LCN10: variants seen among roughly 807,000 people sequenced by gnomAD.
The protein encoded by LCN10 is lipocalin 10, also known as epididymal-specific lipocalin-10.
LCN10 carries 18 observed loss-of-function variants against 25.1 expected under a neutral mutation model. The ratio of observed to expected loss-of-function variants is 0.72; its 90% CI spans 0.50 to 1.06. LCN10 has a LOEUF of 1.06. Ranked by LOEUF, LCN10 falls within the 50% of genes least tolerant of loss-of-function variation. The probability of loss-of-function intolerance (pLI) is 0.00; values close to 1 mark genes in which losing one functional copy is unlikely to be tolerated. For missense variants in LCN10, 257 were observed against 258.9 expected (o/e 0.99, Z 0.05); for synonymous variants, 130 against 116.7 (o/e 1.11, Z -0.73).
In LCN10 at chr9:136,739,377, C is replaced by T. The variant is rs1846884617; in HGVS notation, c.*148G>A. 1.3e-5 allele frequency: 10 copies of T among 797,600 alleles called. No individual in the cohort carries two copies. The highest frequency in any genetic ancestry group is 8.2e-5 in the South Asian group (5 of 61,128). The allele number at this position is 797,600 out of a possible 1,614,324, so 49.4% of individuals were successfully genotyped here. ...ATCTTTCTGTGATCATAAAGGATCC[C>T]TTGAGCCACTTGATTTTCACACTGT... On this transcript the variant is annotated 3_prime_UTR_variant, in exon 6 of 6. Coordinates refer to ENST00000497771, the MANE Select transcript of LCN10 (RefSeq NM_001001712.3). This position sits in a 1 kb window ranked among gnomAD's most constrained non-coding sequence, Gnocchi z 6.1.
rs1224855122 is a variant in LCN10, at chr9:136,738,702, A to G, written c.*823T>C. ...CCGCCATTCTGATACTGGCGTCCCC[A>G]ATCTCCTTGAGAAACCATTTTCTCT... On this transcript the variant is annotated 3_prime_UTR_variant, in exon 6 of 6. Coordinates refer to ENST00000497771, the MANE Select transcript of LCN10 (RefSeq NM_001001712.3). 6.6e-6 allele frequency: 1 copy of G among 152,178 alleles called. No homozygotes were observed. The highest frequency in any genetic ancestry group is 1.5e-5 in the Non-Finnish European group (1 of 68,070). The allele number at this position is 152,178 out of a possible 1,614,324, so 9.4% of individuals were successfully genotyped here.
intron 3 of LCN10, 149 bp from the exon 4 acceptor site, chr9:136,741,092 C>T: frequency 1.0e-6 from 1 of 998,290 alleles, no homozygotes; most frequent in Non-Finnish European, 1.5e-6. Flanking sequence ...GGCCTCCCCT[C>T]CCGGGCCAGG....
intron 2 of LCN10, 109 bp from the exon 3 acceptor site, chr9:136,741,470 C>A: frequency 1.1e-6 from 1 of 923,896 alleles, no homozygotes; most frequent in Non-Finnish European, 1.6e-6. Flanking sequence ...TCCCGTGGGA[C>A]CCGGGAAGGT....
chr9:136,741,242 C>A lies in LCN10; in HGVS notation c.367+10G>T, dbSNP rs751926702. The A allele has an allele frequency of 1.9e-6, 3 of 1,612,024 alleles. No homozygotes were observed. Among genetic ancestry groups the A allele is most frequent in the Non-Finnish European group, 2.5e-6 (3 of 1,178,594 alleles). On this transcript the variant is annotated intron_variant, in intron 3 of 5. Transcript: ENST00000497771. ...ACGCAGCTCCTCCAGGGCCCAGAGCCCAAGCACACCTCCCTCCTGTCCTTC... is the reference window on the plus strand; with the variant it reads ...ACGCAGCTCCTCCAGGGCCCAGAGCACAAGCACACCTCCCTCCTGTCCTTC...
Position 136,741,254 on chromosome 9 carries a change from C to T in LCN10, c.365G>A (p.Gly122Glu). 1 of 1,613,192 alleles carries T rather than the reference C, an allele frequency of 6.2e-7. No individual in the cohort carries two copies. The highest frequency in any genetic ancestry group is 8.5e-7 in the Non-Finnish European group (1 of 1,179,536). ...YAAGPREGQE[G>E]VKGVKAFHVL... is the part of the protein sequence containing the mutation. Reference sequence around the variant, plus strand: ...CAGGGCCCAGAGCCCAAGCACACCTCCCTCCTGTCCTTCCCTCGGGCCCGC... The same window carrying T: ...CAGGGCCCAGAGCCCAAGCACACCTTCCTCCTGTCCTTCCCTCGGGCCCGC... The change falls in exon 3 of 6, where the codon GGA becomes GAA. Residue 122 changes from glycine (G) to glutamate (E), a missense_variant and splice_region_variant. Gly to Glu is a moderately conservative substitution (Grantham distance 98, BLOSUM62 -2). Transcript: ENST00000497771.
rs552907388 is a variant in LCN10 at position 136,738,697 on chromosome 9, T to G, written c.*828A>C. 6.6e-6 allele frequency: 1 copy of G among 152,342 alleles called. No individual in the cohort carries two copies. Among genetic ancestry groups the G allele is most frequent in the East Asian group, 1.9e-4 (1 of 5,186 alleles). The allele number at this position is 152,342 out of a possible 1,614,324, so 9.4% of individuals were successfully genotyped here. A position where few individuals can be genotyped will look rare whatever the true frequency, so the allele number is the denominator to read the frequency against. ...CCCCGCCGCCATTCTGATACTGGCG[T>G]CCCCAATCTCCTTGAGAAACCATTT... On this transcript the variant is annotated 3_prime_UTR_variant, in exon 6 of 6. Transcript: ENST00000497771.
chr9:136,740,751 T>C lies in LCN10; in HGVS notation c.475+85A>G. On this transcript the variant is annotated intron_variant, in intron 4 of 5. Coordinates refer to ENST00000497771, the MANE Select transcript of LCN10 (RefSeq NM_001001712.3). The surrounding 1 kb of genome is among the most constrained non-coding windows in gnomAD (Gnocchi z 5.3). Reference sequence around the variant, plus strand: ...CACTCTCCCTGCCCGCCTCACCTCCTGCCCGGCCCCCTGTGCCCAGCGCCC... The same window carrying C: ...CACTCTCCCTGCCCGCCTCACCTCCCGCCCGGCCCCCTGTGCCCAGCGCCC... The C allele has an allele frequency of 1.2e-6, 1 of 825,856 alleles. No homozygotes were observed. Among genetic ancestry groups the C allele is most frequent in the Non-Finnish European group, 1.8e-6 (1 of 553,306 alleles). 51.2% of individuals were successfully genotyped at this position (825,856 alleles called of 1,614,324 possible). A position where few individuals can be genotyped will look rare whatever the true frequency, so the allele number is the denominator to read the frequency against.
rs533345747 is a variant in LCN10 at position 136,740,680 on chromosome 9, T to C, written c.475+156A>G. The C allele has an allele frequency of 1.4e-3, 843 of 602,382 alleles. 10 individuals carry two copies. In the African/African-American group the frequency reaches 0.014, roughly 10 times the overall value. 37.3% of individuals were successfully genotyped at this position (602,382 alleles called of 1,614,324 possible). A position where few individuals can be genotyped will look rare whatever the true frequency, so the allele number is the denominator to read the frequency against. ...AGCGACCTCCAGGACCTGACTGCTG[T>C]GGTCTCGGCTTCCATTGCCCCTGCC... On this transcript the variant is annotated intron_variant, in intron 4 of 5. Coordinates refer to ENST00000497771, the MANE Select transcript of LCN10 (RefSeq NM_001001712.3). The surrounding 1 kb of genome is among the most constrained non-coding windows in gnomAD (Gnocchi z 5.3).
chr9:136,739,113 A>T lies in LCN10; in HGVS notation c.*412T>A, dbSNP rs1465497089. 1.3e-5 allele frequency: 3 copies of T among 230,824 alleles called. No homozygotes were observed. The highest frequency in any genetic ancestry group is 2.6e-5 in the Non-Finnish European group (3 of 114,658). The allele number at this position is 230,824 out of a possible 1,614,324, so 14.3% of individuals were successfully genotyped here. A position where few individuals can be genotyped will look rare whatever the true frequency, so the allele number is the denominator to read the frequency against. On this transcript the variant is annotated 3_prime_UTR_variant, in exon 6 of 6. Transcript: ENST00000497771. The surrounding 1 kb of genome is among the most constrained non-coding windows in gnomAD (Gnocchi z 6.1). ...CCTGGCACGTCATGGGGGCTCCTCCATGTTGGGTGGATATGCGAACGGCTT... is the reference window on the plus strand; with the variant it reads ...CCTGGCACGTCATGGGGGCTCCTCCTTGTTGGGTGGATATGCGAACGGCTT...
rs1215746297 is a variant in LCN10, at chr9:136,740,026, G to A, written c.498C>T (p.Phe166=). The change falls in exon 5 of 6, where the codon TTC becomes TTT. Residue 166 remains phenylalanine, a synonymous_variant. Transcript: ENST00000497771. The surrounding 1 kb of genome is among the most constrained non-coding windows in gnomAD (Gnocchi z 5.3). ...CGTCCATGAATTCCTTCAGACTCTG[G>A]AAGCTCGAAACATTCTGCCTATCTG... ...LLFHRQNVSS[F]QSLKEFMDAC... is the part of the protein sequence containing the mutation. The A allele has an allele frequency of 1.3e-6, 2 of 1,579,790 alleles. No homozygotes were observed. The highest frequency in any genetic ancestry group is 1.2e-5 in the South Asian group (1 of 86,040).
chr9:136,742,404 C>T (rs965973715), intron 1 of LCN10: 15 of 405,704 alleles, frequency 3.7e-5, no homozygotes, highest in Non-Finnish European at 5.8e-5. Context: ...GCCCTGGGCA[C>T]CGCCGTGCCA....
rs367635724 is a variant in LCN10 at position 136,739,650 on chromosome 9, G to A, written c.575-97C>T. 8.4e-6 allele frequency: 10 copies of A among 1,192,284 alleles called. No homozygotes were observed. The highest frequency in any genetic ancestry group is 2.3e-4 in the Middle Eastern group (1 of 4,256). The allele number at this position is 1,192,284 out of a possible 1,614,324, so 73.9% of individuals were successfully genotyped here. A position where few individuals can be genotyped will look rare whatever the true frequency, so the allele number is the denominator to read the frequency against. ...CCCCGGCCGCTCCCTGGTTCCATGC[G>A]TGCTCGTCTTGGGCACCACGAGAAC... On this transcript the variant is annotated intron_variant, in intron 5 of 5. Transcript: ENST00000497771. The surrounding 1 kb of genome is among the most constrained non-coding windows in gnomAD (Gnocchi z 6.1).
Position 136,739,216 on chromosome 9 carries a change from A to C in LCN10, c.*309T>G. The stretch of plus-strand genomic sequence containing the variant: ...GGCAGAGGCAAGGCACACGGCGAGG[A>C]CTGCGTTGGGCCGGCCTGTGGTCTG... On this transcript the variant is annotated 3_prime_UTR_variant, in exon 6 of 6. Coordinates refer to ENST00000497771, the MANE Select transcript of LCN10 (RefSeq NM_001001712.3). This position sits in a 1 kb window ranked among gnomAD's most constrained non-coding sequence, Gnocchi z 6.1. The C allele has an allele frequency of 2.7e-6, 1 of 373,736 alleles. No individual in the cohort carries two copies. The highest frequency in any genetic ancestry group is 5.0e-6 in the Non-Finnish European group (1 of 199,660). The allele number at this position is 373,736 out of a possible 1,614,324, so 23.2% of individuals were successfully genotyped here. A position where few individuals can be genotyped will look rare whatever the true frequency, so the allele number is the denominator to read the frequency against.
chr9:136,740,676 G>A lies in LCN10; in HGVS notation c.475+160C>T, dbSNP rs1008812865. The A allele has an allele frequency of 4.3e-5, 26 of 600,302 alleles. No homozygotes were observed. The highest frequency in any genetic ancestry group is 2.8e-4 in the African/African-American group (15 of 53,792). 37.2% of individuals were successfully genotyped at this position (600,302 alleles called of 1,614,324 possible). ...CTTCAGCGACCTCCAGGACCTGACT[G>A]CTGTGGTCTCGGCTTCCATTGCCCC... On this transcript the variant is annotated intron_variant, in intron 4 of 5. Transcript: ENST00000497771. This position sits in a 1 kb window ranked among gnomAD's most constrained non-coding sequence, Gnocchi z 5.3.
rs1846970799 is a variant in LCN10 at position 136,742,842 on chromosome 9, C to T, written c.62G>A (p.Gly21Glu). The T allele has an allele frequency of 1.2e-6, 2 of 1,613,480 alleles. No individual in the cohort carries two copies. The highest frequency in any genetic ancestry group is 1.3e-5 in the African/African-American group (1 of 74,910). Residue 21 changes from glycine (G) to glutamate (E), a missense_variant, in exon 1 of 6, where the codon GGG (glycine) becomes GAG (glutamate). Physicochemically the swap from Gly to Glu is moderately conservative, Grantham distance 98 (BLOSUM62 -2). Coordinates refer to ENST00000497771, the MANE Select transcript of LCN10 (RefSeq NM_001001712.3). ...VLVLVLVLAA[G>E]SQVQEWYPRE... ...GGGGTACCACTCCTGCACCTGGGAC[C>T]CTGCAGCCAGCACTAGCACCAGCAC...
At position 136,738,499 on chromosome 9, in the gene LCN10, C is replaced by A. The variant is rs773489318; in HGVS notation, c.*1026G>T. ...CCTTACCCCGTCATGGCTGAGGACTCGGGTTCAGGGTTTCTTTGGGATCCC... is the reference window on the plus strand; with the variant it reads ...CCTTACCCCGTCATGGCTGAGGACTAGGGTTCAGGGTTTCTTTGGGATCCC... On this transcript the variant is annotated 3_prime_UTR_variant, in exon 6 of 6. Transcript: ENST00000497771. The A allele has an allele frequency of 6.6e-6, 1 of 152,198 alleles. No individual in the cohort carries two copies. The highest frequency in any genetic ancestry group is 2.4e-5 in the African/African-American group (1 of 41,434). 9.4% of individuals were successfully genotyped at this position (152,198 alleles called of 1,614,324 possible).
chr9:136,742,284 T>C, intron 1 of LCN10: 1 of 498,388 alleles, frequency 2.0e-6, no homozygotes, highest in South Asian at 2.6e-5. Context: ...GCCCCCTACC[T>C]CAGAGGCCCC....
At position 136,739,535 on chromosome 9, in the gene LCN10, A is replaced by T; in HGVS notation, c.593T>A (p.Ile198Asn). 2 of 1,600,442 alleles carry T rather than the reference A, an allele frequency of 1.2e-6. No homozygotes were observed. The highest frequency in any genetic ancestry group is 1.7e-6 in the Non-Finnish European group (2 of 1,174,268). ...AGAGGACGCTGGCTCTCATGGCAGGATGGTGTGTGTACGGGACGCTGTGGG... is the reference window on the plus strand; with the variant it reads ...AGAGGACGCTGGCTCTCATGGCAGGTTGGTGTGTGTACGGGACGCTGTGGG... ...LPKDASRTHT[I>N]LP Residue 198 changes from isoleucine to asparagine, a missense_variant, in exon 6 of 6, where the codon ATC becomes AAC. Transcript: ENST00000497771. The surrounding 1 kb of genome is among the most constrained non-coding windows in gnomAD (Gnocchi z 6.1).
chr9:136,742,766 G>A (rs766241890), intron 1 of LCN10, 21 bp downstream of exon 1: 4 of 1,612,690 alleles, frequency 2.5e-6, no homozygotes, highest in Non-Finnish European at 3.4e-6. Context: ...CCGGCTCAGG[G>A]ACCAGTGGCA....
Sources: allele counts gnomAD v4.1 joint callset, GRCh38; gene constraint gnomAD v4.1.1; non-coding constraint Gnocchi (gnomAD v3.1); transcripts MANE v1.5; gene names NCBI Gene and HGNC (gene_info 2026-07-23, HGNC 2026-07-21).